Variants in DLG2 observed in about 807,000 individuals in gnomAD.
DLG2 encodes discs large MAGUK scaffold protein 2, also known as disks large homolog 2.
In DLG2, 45 loss-of-function variants were observed where a neutral mutation model predicts 132.5. That is an observed-to-expected ratio of 0.34 (90% CI 0.27 to 0.44). The LOEUF is 0.44. Ranked by LOEUF, DLG2 falls within the 20% of genes least tolerant of loss-of-function variation. The probability of loss-of-function intolerance (pLI) is 1.00; values close to 1 mark genes in which losing one functional copy is unlikely to be tolerated. For missense variants in DLG2, 1,045 were observed against 1,196.9 expected, an observed-to-expected ratio of 0.87 and a Z score of 1.87; for synonymous variants, 424 against 419.6, an observed-to-expected ratio of 1.01 and a Z score of -0.13.
chr11:84,906,724 A>G (rs2091559578), intron 6 of DLG2, among the ~76,000 whole-genome samples: 1 of 152,102 alleles, frequency 6.6e-6, no homozygotes, highest in South Asian at 2.1e-4. Context: ...GGGCAGGGGG[A>G]AAAAAATGGA....
intron 7 of DLG2, among the ~76,000 whole-genome samples, chr11:84,440,592 C>T (rs2099014315): frequency 6.6e-6 from 1 of 152,190 alleles, no homozygotes; most frequent in African/African-American, 2.4e-5. Context: ...ATAACATTTG[C>T]AGCTCTGCTG....
chr11:83,865,511 A>T (rs2062171182), intron 16 of DLG2, among the ~76,000 whole-genome samples: 1 of 152,136 alleles, frequency 6.6e-6, no homozygotes, highest in Non-Finnish European at 1.5e-5. Context: ...TGGCAAATTA[A>T]GACTAAGAGA....
intron 6 of DLG2, among the ~76,000 whole-genome samples, chr11:84,791,598 T>C (rs548432485): frequency 6.6e-6 from 1 of 152,302 alleles, no homozygotes; most frequent in East Asian, 1.9e-4. Flanking sequence ...TATGTTTTTG[T>C]GTTCTCTTAA....
intron 7 of DLG2, among the ~76,000 whole-genome samples, chr11:84,490,886 C>CGTGTGTGTGTGTGT (rs113318666): frequency 3.4e-5 from 5 of 147,846 alleles, no homozygotes; most frequent in African/African-American, 9.9e-5. Context: ...TGAATGGTTG[C>CGTGTGTGTGTGTGT]GTGTGTGTGT....
chr11:85,518,729 G>C (rs2094217805), intron 3 of DLG2, among the ~76,000 whole-genome samples: 1 of 152,218 alleles, frequency 6.6e-6, no homozygotes, highest in East Asian at 1.9e-4. Context: ...ACATGTTAGA[G>C]ATCTTCACAG....
chr11:85,216,246 G>C (rs533042083), intron 4 of DLG2, among the ~76,000 whole-genome samples: 5 of 152,082 alleles, frequency 3.3e-5, no homozygotes, highest in Non-Finnish European at 7.4e-5. Flanking sequence ...GCTAACACAG[G>C]ATCATACAAA....
chr11:85,173,230 C>G (rs2079000273), intron 4 of DLG2, among the ~76,000 whole-genome samples: 1 of 152,032 alleles, frequency 6.6e-6, no homozygotes, highest in South Asian at 2.1e-4. Flanking sequence ...GAGAGAAAGG[C>G]CAGGTGACTA....
chr11:84,728,074 C>A (rs192314775), intron 6 of DLG2, among the ~76,000 whole-genome samples: 80 of 152,184 alleles, frequency 5.3e-4, no homozygotes, highest in African/African-American at 1.9e-3. Flanking sequence ...ATCTGAATAC[C>A]CTTTATTTCT....
chr11:84,897,449 G>A (rs553886953), intron 6 of DLG2, among the ~76,000 whole-genome samples: 1 of 151,882 alleles, frequency 6.6e-6, no homozygotes, highest in South Asian at 2.1e-4. Context: ...GCATGGCCTT[G>A]TTTCTCTCCT....
At chr11:83,833,359 A>G (rs1002572324) in intron 17 of DLG2, among the ~76,000 whole-genome samples, 4 of 152,134 alleles carry the variant, frequency 2.6e-5, no homozygotes, top group African/African-American at 9.7e-5. Context: ...AATCACCTCA[A>G]CCCGGGAGGC....
chr11:84,698,450 A>G (rs1212286541), intron 6 of DLG2, among the ~76,000 whole-genome samples: 1 of 151,580 alleles, frequency 6.6e-6, no homozygotes, highest in Non-Finnish European at 1.5e-5. Flanking sequence ...ATTGCTAAAC[A>G]GAAATAAGTG....
chr11:83,706,471 C>T (rs34258008), intron 18 of DLG2, among the ~76,000 whole-genome samples: 50,635 of 151,916 alleles, frequency 0.33, 9,966 homozygotes, highest in African/African-American at 0.55. Context: ...ATGATTCTCA[C>T]CCTCTCCAAC....
chr11:84,511,757 C>G (rs2099257524), intron 7 of DLG2, among the ~76,000 whole-genome samples: 2 of 152,116 alleles, frequency 1.3e-5, no homozygotes, highest in Admixed American at 1.3e-4. Flanking sequence ...TCAGTGCTTT[C>G]AAGACTTGCT....
chr11:83,464,872 C>G (rs1054734226), intron 26 of DLG2, among the ~76,000 whole-genome samples: 2 of 152,128 alleles, frequency 1.3e-5, no homozygotes, highest in African/African-American at 2.4e-5. Flanking sequence ...TGGCTGTTCC[C>G]AGGAAGTAAG....
At chr11:83,474,352 T>G (rs1441887723) in intron 22 of DLG2, among the ~76,000 whole-genome samples, 1 of 152,136 alleles carries the variant, frequency 6.6e-6, no homozygotes, top group Non-Finnish European at 1.5e-5. Flanking sequence ...GTATACGCAT[T>G]CAAGGTTTTA....
intron 6 of DLG2, among the ~76,000 whole-genome samples, chr11:85,072,641 T>C (rs2066014797): frequency 2.0e-5 from 3 of 151,816 alleles, no homozygotes; most frequent in Admixed American, 1.3e-4. Context: ...ATGAGGTAAT[T>C]AGGACTTGGA....
At position 84,010,293 on chromosome 11, in the gene DLG2, GTATTATTAT is replaced by G. The variant is rs71463190; in HGVS notation, c.920-29660_920-29652del. 2.9e-4 allele frequency among the ~76,000 whole-genome samples: 43 copies of G among 147,560 alleles called. No homozygotes were observed. The South Asian group carries it at 8.4e-3, about 29-fold the overall frequency. ...AATGAATGATCCATGCATTTTAATT[GTATTATTAT>G]TATTATTATTATTATTTTTGAGACC... On this transcript the variant is annotated intron_variant, in intron 11 of 27. Coordinates refer to ENST00000376104, the MANE Select transcript of DLG2 (RefSeq NM_001142699.3).
At chr11:84,298,526 C>T (rs1047833685) in intron 7 of DLG2, among the ~76,000 whole-genome samples, 4 of 152,166 alleles carry the variant, frequency 2.6e-5, no homozygotes, top group African/African-American at 4.8e-5. Flanking sequence ...CACTCATAAA[C>T]ATTTTCAGGT....
intron 7 of DLG2, among the ~76,000 whole-genome samples, chr11:84,489,694 T>C (rs2099159745): frequency 6.6e-6 from 1 of 152,146 alleles, no homozygotes; most frequent in African/African-American, 2.4e-5. Flanking sequence ...TCCTTCTTTC[T>C]AGATTGATTT....
Sources: gnomAD v4.1 joint callset for allele counts (sites outside exome capture counted in the v4.1 genomes callset) on GRCh38, gnomAD v4.1.1 for gene constraint, MANE v1.5 for transcripts, NCBI Gene and HGNC (gene_info 2026-07-23, HGNC 2026-07-21) for gene names.